AKAP10: variants seen among roughly 807,000 people sequenced by gnomAD.
AKAP10 encodes the protein A-kinase anchoring protein 10.
Under a neutral mutation model 80.8 loss-of-function variants are expected in AKAP10, and 24 were observed. The ratio of observed to expected loss-of-function variants is 0.30; its 90% CI spans 0.22 to 0.42. The LOEUF (loss-of-function observed/expected upper bound fraction) is 0.42. Among genes scored for constraint, AKAP10 ranks in the 10% least tolerant of loss-of-function variants. The pLI, the probability that AKAP10 is intolerant of heterozygous loss-of-function variation, is 1.00. For missense variants in AKAP10, 661 were observed against 794.9 expected (o/e 0.83, Z 2.03); for synonymous variants, 291 against 277.7 (o/e 1.05, Z -0.48).
In AKAP10 at chr17:19,958,237, A is replaced by C. The variant is rs2043304341; in HGVS notation, c.654T>G (p.Thr218=). 6.2e-7 allele frequency: 1 copy of C among 1,614,096 alleles called. No individual in the cohort carries two copies. The highest frequency in any genetic ancestry group is 1.3e-5 in the African/African-American group (1 of 74,930). ...TATTCAGGTCAATTCCTTCTGAATGAGTCATAAACAACTGTGCTGAGCCAG... is the reference window on the plus strand; with the variant it reads ...TATTCAGGTCAATTCCTTCTGAATGCGTCATAAACAACTGTGCTGAGCCAG... ...EDSGSAQLFM[T]HSEGIDLNNR... is the part of the protein sequence containing the mutation. Residue 218 remains threonine, a synonymous_variant, in exon 4 of 15, where the codon ACT becomes ACG. Transcript: ENST00000225737.
chr17:19,948,231 T>G (rs2043156952), intron 4 of AKAP10, among the ~76,000 whole-genome samples: 2 of 152,108 alleles, frequency 1.3e-5, no homozygotes, highest in African/African-American at 4.8e-5. Context: ...TGGAAGCAGG[T>G]GGACTGAGAA....
At chr17:19,907,234 C>T (rs1194529279) in intron 14 of AKAP10, among the ~76,000 whole-genome samples, 1 of 151,856 alleles carries the variant, frequency 6.6e-6, no homozygotes, top group Admixed American at 6.6e-5. Context: ...GTCAGGCTGG[C>T]CTTGAACTAC....
At chr17:19,973,970 A>C (rs892057517) in intron 1 of AKAP10, among the ~76,000 whole-genome samples, 6 of 152,200 alleles carry the variant, frequency 3.9e-5, no homozygotes, top group African/African-American at 1.4e-4. Flanking sequence ...TGGGAGGCCG[A>C]GGCAGGCAGA....
chr17:19,971,154 C>T (rs184973424), intron 1 of AKAP10, among the ~76,000 whole-genome samples: 2 of 151,922 alleles, frequency 1.3e-5, no homozygotes, highest in African/African-American at 4.8e-5. Flanking sequence ...CCCAGCCAAA[C>T]GTGTATATAT....
rs2042612663 is a variant in AKAP10, at chr17:19,904,444, G to C, written c.*1783C>G. ...AACAGCCTAGAGTCTTGTAGAAATTGTTATTCCAAAACATGCAGAGGCAGC... is the reference window on the plus strand; with the variant it reads ...AACAGCCTAGAGTCTTGTAGAAATTCTTATTCCAAAACATGCAGAGGCAGC... On this transcript the variant is annotated 3_prime_UTR_variant, in exon 15 of 15. Coordinates refer to ENST00000225737, the MANE Select transcript of AKAP10 (RefSeq NM_007202.4). The C allele has an allele frequency of 6.6e-6, 1 of 152,180 alleles. No individual in the cohort carries two copies. The highest frequency in any genetic ancestry group is 1.5e-5 in the Non-Finnish European group (1 of 68,032). The allele number at this position is 152,180 out of a possible 1,614,324, so 9.4% of individuals were successfully genotyped here.
chr17:19,957,546 G>C (rs1329133752), intron 4 of AKAP10, among the ~76,000 whole-genome samples: 1 of 150,040 alleles, frequency 6.7e-6, no homozygotes, highest in South Asian at 2.1e-4. Context: ...AAAAAAAAAA[G>C]ATAATCATGC....
intron 1 of AKAP10, among the ~76,000 whole-genome samples, chr17:19,973,711 T>C (rs1343747079): frequency 1.3e-5 from 2 of 152,212 alleles, no homozygotes; most frequent in Non-Finnish European, 2.9e-5. Context: ...TGTCATCTCC[T>C]TAGAGGACAT....
At chr17:19,973,898 G>A (rs969264643) in intron 1 of AKAP10, among the ~76,000 whole-genome samples, 4 of 152,178 alleles carry the variant, frequency 2.6e-5, no homozygotes, top group African/African-American at 4.8e-5. Flanking sequence ...GTTTTGGGCT[G>A]AGCAACTAAA....
At chr17:19,937,559 A>G (rs1033262364) in intron 8 of AKAP10, among the ~76,000 whole-genome samples, 3 of 152,190 alleles carry the variant, frequency 2.0e-5, no homozygotes, top group Non-Finnish European at 2.9e-5. Flanking sequence ...CATTTTTGTA[A>G]CAAAATGTGA....
intron 8 of AKAP10, among the ~76,000 whole-genome samples, chr17:19,938,387 C>T (rs942803416): frequency 6.6e-6 from 1 of 151,688 alleles, no homozygotes; most frequent in Non-Finnish European, 1.5e-5. Context: ...CAGGTGTGTG[C>T]CATCATGCCT....
chr17:19,918,224 C>CAAAAAAAAAA (rs559332326), intron 12 of AKAP10, among the ~76,000 whole-genome samples: 2 of 85,976 alleles, frequency 2.3e-5, no homozygotes, highest in Non-Finnish European at 5.0e-5. Context: ...CCGTCTCAAA[C>CAAAAAAAAAA]AAAAAAAAAA....
At chr17:19,973,137 G>T (rs1332295372) in intron 1 of AKAP10, among the ~76,000 whole-genome samples, 1 of 151,984 alleles carries the variant, frequency 6.6e-6, no homozygotes, top group Non-Finnish European at 1.5e-5. Flanking sequence ...CCACCACCAT[G>T]CCCAGCTATT....
At chr17:19,974,612 A>G (rs1458517085) in intron 1 of AKAP10, among the ~76,000 whole-genome samples, 4 of 152,150 alleles carry the variant, frequency 2.6e-5, no homozygotes, top group African/African-American at 9.7e-5. Context: ...GACTCAATGC[A>G]TTGATGGTAT....
At position 19,962,769 on chromosome 17, in the gene AKAP10, T is replaced by C; in HGVS notation, c.319+71A>G. 2.0e-6 allele frequency: 3 copies of C among 1,476,070 alleles called. No individual in the cohort carries two copies. The South Asian group carries it at 3.7e-5, about 18-fold the overall frequency. 91.4% of individuals were successfully genotyped at this position (1,476,070 alleles called of 1,614,324 possible). A position where few individuals can be genotyped will look rare whatever the true frequency, so the allele number is the denominator to read the frequency against. On this transcript the variant is annotated intron_variant, in intron 3 of 14. Transcript: ENST00000225737. ...TTTCCAATTATATAGTTCTGTATCC[T>C]ATGACAGAAGTTTCACATATTGTAC...
chr17:19,961,737 G>A (rs1228076780), intron 3 of AKAP10, among the ~76,000 whole-genome samples: 6 of 152,094 alleles, frequency 3.9e-5, no homozygotes, highest in South Asian at 2.1e-4. Flanking sequence ...TTAATATAAC[G>A]GATTTTACCA....
chr17:19,958,795 C>A (rs889731485), intron 3 of AKAP10, among the ~76,000 whole-genome samples: 1 of 147,870 alleles, frequency 6.8e-6, no homozygotes, highest in Non-Finnish European at 1.5e-5. Context: ...ATTTGTTACT[C>A]AATAATTCTC....
chr17:19,923,748 A>C lies in AKAP10; in HGVS notation c.1751+660T>G, dbSNP rs1348499721. ...TCATCGTGTTAGCCAGGATGGTCTC[A>C]ATCTCCTGACCTCGTGATCCGCCCA... On this transcript the variant is annotated intron_variant, in intron 11 of 14. Transcript: ENST00000225737. Among the ~76,000 whole-genome samples, 6 of 152,024 alleles carry C rather than the reference A, an allele frequency of 3.9e-5. No individual in the cohort carries two copies. The East Asian group carries it at 1.2e-3, about 30-fold the overall frequency.
chr17:19,906,170 A>G lies in AKAP10; in HGVS notation c.*57T>C. 6.4e-7 allele frequency: 1 copy of G among 1,565,652 alleles called. No individual in the cohort carries two copies. Among genetic ancestry groups the G allele is most frequent in the Non-Finnish European group, 8.8e-7 (1 of 1,138,970 alleles). On this transcript the variant is annotated 3_prime_UTR_variant, in exon 15 of 15. Coordinates refer to ENST00000225737, the MANE Select transcript of AKAP10 (RefSeq NM_007202.4). Reference sequence around the variant, plus strand: ...TTGGCTGTGTTGAAGAATCCAACCAAGGGAAAAAAGTTCTCTTATTTTTCA... The same window carrying G: ...TTGGCTGTGTTGAAGAATCCAACCAGGGGAAAAAAGTTCTCTTATTTTTCA...
At position 19,939,679 on chromosome 17, in the gene AKAP10, G is replaced by A. The variant is rs186321825; in HGVS notation, c.1322+34C>T. ...ACAAAACATATCAAATGTTCAATAA[G>A]TATCTGCTGAATCCATCTATCAATA... On this transcript the variant is annotated intron_variant, in intron 8 of 14. Transcript: ENST00000225737. The A allele has an allele frequency of 2.8e-3, 4,539 of 1,599,648 alleles. 14 individuals are homozygous for A. The highest frequency in any genetic ancestry group is 3.2e-3 in the Non-Finnish European group (3,770 of 1,172,424).
Sources: allele counts gnomAD v4.1 joint callset (sites outside exome capture counted in the v4.1 genomes callset), GRCh38; gene constraint gnomAD v4.1.1; transcripts MANE v1.5; gene names NCBI Gene and HGNC (gene_info 2026-07-23, HGNC 2026-07-21).